PLEKHG5: variants seen among roughly 807,000 people sequenced by gnomAD.
PLEKHG5 encodes pleckstrin homology domain-containing family G member 5.
PLEKHG5 carries 52 observed loss-of-function variants against 103.8 expected under a neutral mutation model. That is an observed-to-expected ratio of 0.50 (90% CI 0.40 to 0.63). The LOEUF (loss-of-function observed/expected upper bound fraction) is 0.63, where lower values mean the gene tolerates loss of function less well. PLEKHG5 is among the 30% of genes least tolerant of loss of function. PLEKHG5 has a pLI of 0.00. For missense variants in PLEKHG5, 1,205 were observed against 1,347.6 expected, an observed-to-expected ratio of 0.89 and a Z score of 1.66; for synonymous variants, 592 against 575.5, an observed-to-expected ratio of 1.03 and a Z score of -0.41.
intron 1 of PLEKHG5, among the ~76,000 whole-genome samples, chr1:6,481,586 A>G (rs938855469): frequency 8.0e-5 from 12 of 149,512 alleles, no homozygotes; most frequent in South Asian, 2.1e-4. Context: ...TAAAAAGGCC[A>G]GGCGCGGTGG....
upstream of PLEKHG5, among the ~76,000 whole-genome samples, chr1:6,498,276 C>G (rs1645255998): frequency 6.6e-6 from 1 of 152,150 alleles, no homozygotes; most frequent in Admixed American, 6.5e-5. Flanking sequence ...GGTCCCTCTC[C>G]CAAAGGCTAA....
Position 6,504,286 on chromosome 1 carries a change from C to T in PLEKHG5, c.-164-7717G>A, listed in dbSNP as rs547406639. ...CATCAGCTGCCACACTCCTCCTCAC[C>T]CCACCCCCACATCCCGTGCTGCCTC... On this transcript the variant is annotated intron_variant, in intron 1 of 21. Coordinates refer to the PLEKHG5 transcript ENST00000377740. 1.1e-3 allele frequency among the ~76,000 whole-genome samples: 172 copies of T among 152,280 alleles called. 2 individuals carry two copies. The highest frequency in any genetic ancestry group is 1.3e-3 in the Non-Finnish European group (90 of 68,022).
chr1:6,504,253 C>G (rs953258052), intron 1 of PLEKHG5, among the ~76,000 whole-genome samples: 1 of 152,086 alleles, frequency 6.6e-6, no homozygotes, highest in Admixed American at 6.5e-5. Flanking sequence ...GGAGATTTGC[C>G]CCCCCAACAT....
intron 1 of PLEKHG5, among the ~76,000 whole-genome samples, chr1:6,517,424 T>C (rs1157964065): frequency 6.6e-6 from 1 of 151,996 alleles, no homozygotes; most frequent in East Asian, 1.9e-4. Flanking sequence ...TAACCCCCAG[T>C]GTCACCCACA....
At chr1:6,474,699 TC>T in intron 5 of PLEKHG5, 112 bp from the exon 6 acceptor site, 1 of 999,154 alleles carries the variant, frequency 1.0e-6, no homozygotes, top group Middle Eastern at 3.1e-4. Flanking sequence ...GCCCCCACCT[TC>T]CCAACGGAAA....
chr1:6,472,684 G>T, intron 9 of PLEKHG5, 62 bp from the exon 10 acceptor site: 1 of 1,212,498 alleles, frequency 8.2e-7, no homozygotes, highest in Non-Finnish European at 1.2e-6. Context: ...GGCCGGGGAG[G>T]ATAAGCAACC....
intron 1 of PLEKHG5, among the ~76,000 whole-genome samples, chr1:6,484,494 G>A (rs968147738): frequency 1.3e-5 from 2 of 152,166 alleles, no homozygotes; most frequent in South Asian, 2.1e-4. Context: ...GAAGCCCCCC[G>A]GGAGAACCAT....
chr1:6,468,517 G>A lies in PLEKHG5; in HGVS notation c.2319C>T (p.Pro773=), dbSNP rs80031446. Reference sequence around the variant, plus strand: ...AGCTGAAAGGACCGCTGTCGAACTCGGGGGAGGACAGCGTGTCCCCAGGCT... The same window carrying A: ...AGCTGAAAGGACCGCTGTCGAACTCAGGGGAGGACAGCGTGTCCCCAGGCT... ...VVEPGDTLSS[P]EFDSGPFSSQ... is the part of the protein sequence containing the mutation. Residue 773 remains proline, a synonymous_variant, in exon 20 of 21, where the codon CCC becomes CCT. Transcript: ENST00000377728. 1.2e-3 allele frequency: 1,888 copies of A among 1,612,844 alleles called. 23 individuals carry two copies. In the African/African-American group the frequency reaches 0.021, roughly 18 times the overall value.
At chr1:6,477,812 T>A (rs1163371868) in intron 1 of PLEKHG5, among the ~76,000 whole-genome samples, 154 bp from the exon 2 acceptor site, 6 of 144,080 alleles carry the variant, frequency 4.2e-5, no homozygotes, top group Non-Finnish European at 7.5e-5. Context: ...TCCCACATCA[T>A]CAAGTTTCCC....
chr1:6,474,675 C>T (rs1644706666), intron 5 of PLEKHG5, 88 bp from the exon 6 acceptor site: 1 of 1,352,952 alleles, frequency 7.4e-7, no homozygotes, highest in African/African-American at 1.4e-5. Flanking sequence ...CCCGCCCCAC[C>T]CACAGCCCCA....
At chr1:6,483,406 A>C (rs758571240) in intron 1 of PLEKHG5, among the ~76,000 whole-genome samples, 12 of 152,214 alleles carry the variant, frequency 7.9e-5, no homozygotes, top group Non-Finnish European at 1.2e-4. Flanking sequence ...TTGATCCCTC[A>C]ACCCCTGCAG....
chr1:6,514,807 C>G (rs538973135), intron 1 of PLEKHG5, among the ~76,000 whole-genome samples: 21 of 151,012 alleles, frequency 1.4e-4, no homozygotes, highest in African/African-American at 4.9e-4. Flanking sequence ...GTGGCTCAAG[C>G]CTGTAATCCC....
intron 1 of PLEKHG5, among the ~76,000 whole-genome samples, chr1:6,507,456 C>A (rs555331014): frequency 6.6e-6 from 1 of 152,312 alleles, no homozygotes; most frequent in African/African-American, 2.4e-5. Context: ...CCCAGCCAGG[C>A]TTTGCTGAGC....
chr1:6,496,456 TGC>T (rs1422220188), upstream of PLEKHG5: 1 of 1,498,246 alleles, frequency 6.7e-7, no homozygotes, highest in East Asian at 2.3e-5. Flanking sequence ...CTGGCCCCTC[TGC>T]CCCCGAGGGT....
Position 6,475,080 on chromosome 1 carries a change from T to C in PLEKHG5, c.269A>G (p.Glu90Gly), listed in dbSNP as rs1247695536. Residue 90 changes from glutamate to glycine, a missense_variant, in exon 5 of 21, where the codon GAG becomes GGG. Glu to Gly is a moderately conservative substitution (Grantham distance 98). Coordinates refer to ENST00000377728, the MANE Select transcript of PLEKHG5 (RefSeq NM_020631.6). The stretch of plus-strand genomic sequence containing the variant: ...CTTCTTCTTCATGGCTGGGACGATC[T>C]CTGTCTCAATGTCCACATTCAGGTC... ...KFDLNVDIET[E>G]IVPAMKKKSL... 1.2e-6 allele frequency: 2 copies of C among 1,611,502 alleles called. No homozygotes were observed. The highest frequency in any genetic ancestry group is 1.7e-6 in the Non-Finnish European group (2 of 1,177,660).
chr1:6,513,736 T>C (rs1638539577), intron 1 of PLEKHG5, among the ~76,000 whole-genome samples: 2 of 152,220 alleles, frequency 1.3e-5, no homozygotes, highest in Admixed American at 1.3e-4. Context: ...ATCTACCCCA[T>C]TGTCGAAACA....
At position 6,474,459 on chromosome 1, in the gene PLEKHG5, C is replaced by T. The variant is rs150152888; in HGVS notation, c.431G>A (p.Arg144His). ...EAYRFGGHYL[R>H]VKAPAKPGDE... is the part of the protein sequence containing the mutation. ...CCCAGGCTGCTTCTCACCTTTGACACGAAGGTAGTGTCCCCCGAACCTGTA... is the reference window on the plus strand; with the variant it reads ...CCCAGGCTGCTTCTCACCTTTGACATGAAGGTAGTGTCCCCCGAACCTGTA... The change falls in exon 6 of 21, where the codon CGT (arginine) becomes CAT (histidine). Residue 144 changes from arginine (R) to histidine (H), a missense_variant. By Grantham distance (29) the Arg-to-His change is conservative. Transcript: ENST00000377728. 5.3e-5 allele frequency: 86 copies of T among 1,613,864 alleles called. 1 individual carries two copies. In the Middle Eastern group the frequency reaches 1.3e-3, roughly 25 times the overall value.
In PLEKHG5 at chr1:6,467,579, G is replaced by A. The variant is rs1197051343; in HGVS notation, c.3012-7C>T. ...TCCCTCTGCTCAGACCTCCCTACAG[G>A]GTGGGGAGGGGACAGAGTCCTTCTT... On this transcript the variant is annotated splice_polypyrimidine_tract_variant and splice_region_variant and intron_variant, in intron 20 of 20. Transcript: ENST00000377728. The A allele has an allele frequency of 3.1e-6, 5 of 1,612,416 alleles. No individual in the cohort carries two copies. Among genetic ancestry groups the A allele is most frequent in the Non-Finnish European group, 4.2e-6 (5 of 1,178,932 alleles).
intron 12 of PLEKHG5, 155 bp from the exon 13 acceptor site, chr1:6,471,255 G>A (rs1311120431): frequency 7.5e-6 from 6 of 797,554 alleles, no homozygotes; most frequent in Non-Finnish European, 1.3e-5. Flanking sequence ...TGAGGAAACT[G>A]AGCCTCAGCC....
Sources: gnomAD v4.1 joint callset for allele counts (sites outside exome capture counted in the v4.1 genomes callset) on GRCh38, gnomAD v4.1.1 for gene constraint, MANE v1.5 for transcripts, NCBI Gene and HGNC (gene_info 2026-07-23, HGNC 2026-07-21) for gene names.